NEURL1B: variants seen among roughly 807,000 people sequenced by gnomAD.
NEURL1B encodes the protein E3 ubiquitin-protein ligase NEURL1B.
A neutral mutation model predicts 37.4 loss-of-function variants in NEURL1B; 13 were observed. The ratio of observed to expected loss-of-function variants is 0.35; its 90% CI spans 0.23 to 0.55. The LOEUF (loss-of-function observed/expected upper bound fraction) is 0.55. NEURL1B is among the 20% of genes least tolerant of loss of function. The pLI, the probability that NEURL1B is intolerant of heterozygous loss-of-function variation, is 0.89. For missense variants in NEURL1B, 790 were observed against 879.2 expected (o/e 0.90, Z 1.28); for synonymous variants, 432 against 426.6 (o/e 1.01, Z -0.16).
chr5:172,669,072 A>G (rs1339462303), intron 1 of NEURL1B, among the ~76,000 whole-genome samples: 1 of 152,172 alleles, frequency 6.6e-6, no homozygotes, highest in Non-Finnish European at 1.5e-5. Flanking sequence ...CAGTAATAAT[A>G]TCATATTATT....
Position 172,683,646 on chromosome 5 carries a change from C to G in NEURL1B, c.805C>G (p.Pro269Ala). The G allele has an allele frequency of 8.0e-7, 1 of 1,247,634 alleles. No homozygotes were observed. Among genetic ancestry groups the G allele is most frequent in the Non-Finnish European group, 1.0e-6 (1 of 988,130 alleles). 77.3% of individuals were successfully genotyped at this position (1,247,634 alleles called of 1,614,324 possible). A position where few individuals can be genotyped will look rare whatever the true frequency, so the allele number is the denominator to read the frequency against. ...GTGCGGGCCCCGTGAGCGCCCGCGG[C>G]CCGCGTCGTCGCCGGCGCTACTGGA... is the stretch of plus-strand genomic sequence containing the variant. ...IPCGPRERPR[P>A]ASSPALLEAD... The change falls in exon 3 of 5, where the codon CCC becomes GCC. Residue 269 changes from proline to alanine, a missense_variant. Physicochemically the swap from Pro to Ala is conservative, Grantham distance 27 (BLOSUM62 -1). This residue lies in a region of NEURL1B where 460 missense variants were observed against 407.4 expected (regional missense o/e 1.13). Transcript: ENST00000369800. The surrounding 1 kb of genome is among the most constrained non-coding windows in gnomAD (Gnocchi z 5.6).
At chr5:172,668,902 C>T (rs1162943842) in intron 1 of NEURL1B, among the ~76,000 whole-genome samples, 1 of 152,140 alleles carries the variant, frequency 6.6e-6, no homozygotes, top group Non-Finnish European at 1.5e-5. Context: ...TTCCCCAGGT[C>T]CTTCAGAGCA....
intron 2 of NEURL1B, among the ~76,000 whole-genome samples, chr5:172,679,109 G>C (rs1240102839): frequency 6.6e-6 from 1 of 152,366 alleles, no homozygotes; most frequent in Admixed American, 6.5e-5. Flanking sequence ...AACTTTGGCC[G>C]GAGGCCAAGT....
intron 1 of NEURL1B, among the ~76,000 whole-genome samples, chr5:172,663,829 T>TTTTTTTTATTATTATTATTATTATTATTA (rs138220033): frequency 3.5e-5 from 5 of 140,846 alleles, no homozygotes; most frequent in South Asian, 2.4e-4. Flanking sequence ...GTTTTATTTG[T>TTTTTTTTATTATTATTATTATTATTATTA]TTATTATTAT....
rs73805704 is a variant in NEURL1B at position 172,687,322 on chromosome 5, C to T, written c.*397C>T. 0.013 allele frequency: 2,340 copies of T among 175,470 alleles called. 62 individuals are homozygous for T. The highest frequency in any genetic ancestry group is 0.051 in the African/African-American group (2,166 of 42,410). The allele number at this position is 175,470 out of a possible 1,614,324, so 10.9% of individuals were successfully genotyped here. A position where few individuals can be genotyped will look rare whatever the true frequency, so the allele number is the denominator to read the frequency against. On this transcript the variant is annotated 3_prime_UTR_variant, in exon 5 of 5. Coordinates refer to ENST00000369800, the MANE Select transcript of NEURL1B (RefSeq NM_001142651.3). ...GTGAGAGAGAGAGAGAGAGAATGAA[C>T]GTGTAGCGATTTTACCAGGGGTCCC... is the stretch of plus-strand genomic sequence containing the variant.
intron 1 of NEURL1B, among the ~76,000 whole-genome samples, chr5:172,663,201 A>G (rs1447990417): frequency 3.3e-5 from 5 of 151,928 alleles, no homozygotes; most frequent in Non-Finnish European, 5.9e-5. Context: ...AGACAGAGCA[A>G]GACTCTGCCT....
intron 2 of NEURL1B, among the ~76,000 whole-genome samples, chr5:172,673,840 A>G (rs1055022317): frequency 6.9e-6 from 1 of 144,848 alleles, no homozygotes; most frequent in African/African-American, 2.6e-5. Flanking sequence ...AAGTGTATTT[A>G]TCAGAAATTC....
chr5:172,680,627 G>A (rs978844907), intron 2 of NEURL1B, among the ~76,000 whole-genome samples: 5 of 152,032 alleles, frequency 3.3e-5, no homozygotes, highest in African/African-American at 7.3e-5. Context: ...ATGTTCATTA[G>A]AGAAAAAGAG....
At position 172,657,614 on chromosome 5, in the gene NEURL1B, C is replaced by T. The variant is rs940053129; in HGVS notation, c.32-12171C>T. Reference sequence around the variant, plus strand: ...CAAGAGGTGAGTCTTCTGTCACGCCCGCATAAGGGTTGCTTGAGGGCTCCT... The same window carrying T: ...CAAGAGGTGAGTCTTCTGTCACGCCTGCATAAGGGTTGCTTGAGGGCTCCT... On this transcript the variant is annotated intron_variant, in intron 1 of 4. Coordinates refer to ENST00000369800, the MANE Select transcript of NEURL1B (RefSeq NM_001142651.3). This position sits in a 1 kb window ranked among gnomAD's most constrained non-coding sequence, Gnocchi z 4.0. 1.4e-4 allele frequency among the ~76,000 whole-genome samples: 22 copies of T among 152,272 alleles called. No individual in the cohort carries two copies. Among genetic ancestry groups the T allele is most frequent in the African/African-American group, 2.6e-4 (11 of 41,556 alleles).
rs545687408 is a variant in NEURL1B at position 172,677,662 on chromosome 5, C to T, written c.578-5757C>T. ...CTCAAGCCCTCTCCCTTGGTGCCCA[C>T]CCCCTCGGCCTTCCCCCCGTGGCCG... On this transcript the variant is annotated intron_variant, in intron 2 of 4. Transcript: ENST00000369800. 5.0e-4 allele frequency among the ~76,000 whole-genome samples: 76 copies of T among 152,322 alleles called. No individual in the cohort carries two copies. In the South Asian group the frequency reaches 0.016, roughly 31 times the overall value.
chr5:172,664,497 CG>C (rs1757972245), intron 1 of NEURL1B, among the ~76,000 whole-genome samples: 1 of 140,062 alleles, frequency 7.1e-6, no homozygotes, highest in Admixed American at 7.1e-5. Context: ...GTGGGGGGGA[CG>C]GGTAGATTTT....
At chr5:172,651,984 G>A (rs879913255) in intron 1 of NEURL1B, among the ~76,000 whole-genome samples, 5 of 152,232 alleles carry the variant, frequency 3.3e-5, no homozygotes, top group Non-Finnish European at 5.9e-5. Flanking sequence ...TTATTCGGCG[G>A]AGTGTCCAGT....
chr5:172,683,590 C>A lies in NEURL1B; in HGVS notation c.749C>A (p.Pro250Gln). Residue 250 changes from proline to glutamine, a missense_variant, in exon 3 of 5, where the codon CCG becomes CAG. This residue lies in a region of NEURL1B where 460 missense variants were observed against 407.4 expected (regional missense o/e 1.13). Transcript: ENST00000369800. This position sits in a 1 kb window ranked among gnomAD's most constrained non-coding sequence, Gnocchi z 5.6. ...HLALGRAPGPPPADAAAAAIP... is the reference protein window; with the variant it reads ...HLALGRAPGPQPADAAAAAIP... ...GCGCTGGGCCGCGCCCCGGGCCCAC[C>A]GCCAGCCGACGCCGCGGCCGCCGCC... 1 of 1,288,854 alleles carries A rather than the reference C, an allele frequency of 7.8e-7. No homozygotes were observed. The highest frequency in any genetic ancestry group is 9.8e-7 in the Non-Finnish European group (1 of 1,019,000). 79.8% of individuals were successfully genotyped at this position (1,288,854 alleles called of 1,614,324 possible).
Position 172,641,435 on chromosome 5 carries a change from C to G in NEURL1B, c.29C>G (p.Pro10Arg). The G allele has an allele frequency of 7.5e-7, 1 of 1,329,588 alleles. No homozygotes were observed. Among genetic ancestry groups the G allele is most frequent in the South Asian group, 1.9e-5 (1 of 52,610 alleles). The allele number at this position is 1,329,588 out of a possible 1,614,324, so 82.4% of individuals were successfully genotyped here. A position where few individuals can be genotyped will look rare whatever the true frequency, so the allele number is the denominator to read the frequency against. The change falls in exon 1 of 5, where the codon CCA becomes CGA. Residue 10 changes from proline to arginine, a missense_variant and splice_region_variant. By Grantham distance (103) the Pro-to-Arg change is moderately radical. This residue lies in a region of NEURL1B where 215 missense variants were observed against 309.2 expected (regional missense o/e 0.70). Transcript: ENST00000369800. The surrounding 1 kb of genome is among the most constrained non-coding windows in gnomAD (Gnocchi z 6.4). MGNTVHRTLPDPSPPARLLA... is the reference protein window; with the variant it reads MGNTVHRTLRDPSPPARLLA... The stretch of plus-strand genomic sequence containing the variant: ...GGCAACACGGTGCACCGGACCCTGC[C>G]AGGTACGCCGGGGAGCCCTGCCCGG...
In NEURL1B at chr5:172,675,338, C is replaced by T. The variant is rs11741671; in HGVS notation, c.577+5008C>T. The stretch of plus-strand genomic sequence containing the variant: ...TTCCTTTCTCCCTCGTGGCTCCTGC[C>T]CATTGATGGACACCTGGATTACGAC... On this transcript the variant is annotated intron_variant, in intron 2 of 4. Coordinates refer to ENST00000369800, the MANE Select transcript of NEURL1B (RefSeq NM_001142651.3). This position sits in a 1 kb window ranked among gnomAD's most constrained non-coding sequence, Gnocchi z 4.7. Among the ~76,000 whole-genome samples the T allele has an allele frequency of 0.54, 81,815 of 151,386 alleles. 22,338 individuals are homozygous for T. Among genetic ancestry groups the T allele is most frequent in the African/African-American group, 0.62 (25,633 of 41,178 alleles).
rs1163422182 is a variant in NEURL1B, at chr5:172,686,603, T to G, written c.1424-78T>G. 1 of 1,454,148 alleles carries G rather than the reference T, an allele frequency of 6.9e-7. No individual in the cohort carries two copies. The highest frequency in any genetic ancestry group is 2.5e-5 in the East Asian group (1 of 39,956). The allele number at this position is 1,454,148 out of a possible 1,614,324, so 90.1% of individuals were successfully genotyped here. On this transcript the variant is annotated intron_variant, in intron 4 of 4. Transcript: ENST00000369800. The surrounding 1 kb of genome is among the most constrained non-coding windows in gnomAD (Gnocchi z 7.9). ...TCCCACCGGTCCCAGCAAGAAGCCC[T>G]GCATTCTCGGGGTTGCCCCAACAGA...
intron 1 of NEURL1B, among the ~76,000 whole-genome samples, chr5:172,642,176 G>A (rs1219792478): frequency 6.6e-6 from 1 of 152,224 alleles, no homozygotes; most frequent in Admixed American, 6.5e-5. Flanking sequence ...TGCCCGTGGA[G>A]GTTCAGTGCC....
chr5:172,682,433 G>A (rs1427079054), intron 2 of NEURL1B, among the ~76,000 whole-genome samples: 3 of 152,134 alleles, frequency 2.0e-5, no homozygotes, highest in East Asian at 1.9e-4. Context: ...AAATTAAGCC[G>A]GGAGTGGTGG....
intron 1 of NEURL1B, among the ~76,000 whole-genome samples, chr5:172,663,751 T>C (rs76018965): frequency 0.048 from 7,295 of 151,506 alleles, 524 homozygotes; most frequent in African/African-American, 0.16. Flanking sequence ...GCCTTGGTCT[T>C]TCATGGGAGG....
Sources: allele counts gnomAD v4.1 joint callset (sites outside exome capture counted in the v4.1 genomes callset), GRCh38; gene constraint gnomAD v4.1.1; regional missense constraint gnomAD v4.1.1; non-coding constraint Gnocchi (gnomAD v3.1); transcripts MANE v1.5; gene names NCBI Gene and HGNC (gene_info 2026-07-23, HGNC 2026-07-21).